COLEC12: variants seen among roughly 807,000 people sequenced by gnomAD.
COLEC12 encodes collectin subfamily member 12.
A neutral mutation model predicts 71.1 loss-of-function variants in COLEC12; 33 were observed. That is an observed-to-expected ratio of 0.46 (90% CI 0.35 to 0.62). The LOEUF is 0.62. Among genes scored for constraint, COLEC12 ranks in the 20% least tolerant of loss-of-function variants. The pLI is 0.00. For synonymous variants in COLEC12, 350 were observed against 353.0 expected (o/e 0.99, Z 0.10); for missense variants, 765 against 916.1 (o/e 0.84, Z 2.13).
In COLEC12 at chr18:413,140, T is replaced by C. The variant is rs749495377; in HGVS notation, c.59-55618A>G. ...CCACACAAACATTAATCAAAGGAAT[T>C]AACTGAACGACAAAAATACAAATGA... On this transcript the variant is annotated intron_variant, in intron 2 of 9. Transcript: ENST00000400256. Among the ~76,000 whole-genome samples the C allele has an allele frequency of 2.2e-4, 33 of 152,074 alleles. 1 individual carries two copies. Among genetic ancestry groups the C allele is most frequent in the Non-Finnish European group, 4.9e-4 (33 of 67,996 alleles).
At chr18:412,377 C>T (rs535805666) in intron 2 of COLEC12, among the ~76,000 whole-genome samples, 1 of 151,124 alleles carries the variant, frequency 6.6e-6, no homozygotes, top group Admixed American at 6.6e-5. Flanking sequence ...AAATATCCTT[C>T]AGAAATGAAA....
At chr18:372,454 G>C (rs904130640) in intron 2 of COLEC12, among the ~76,000 whole-genome samples, 1 of 152,052 alleles carries the variant, frequency 6.6e-6, no homozygotes, top group African/African-American at 2.4e-5. Flanking sequence ...GTCTTGCTCT[G>C]TCACCCAGGC....
chr18:417,947 T>C (rs1916021253), intron 2 of COLEC12, among the ~76,000 whole-genome samples: 1 of 152,170 alleles, frequency 6.6e-6, no homozygotes. Flanking sequence ...CTCCCATTTT[T>C]GTCCCTGAGG....
At chr18:433,784 C>T (rs748998088) in intron 2 of COLEC12, among the ~76,000 whole-genome samples, 9 of 151,850 alleles carry the variant, frequency 5.9e-5, no homozygotes, top group African/African-American at 1.7e-4. Context: ...GGGAACATGG[C>T]GAAACCCTGT....
rs935467573 is a variant in COLEC12, at chr18:321,656, G to A, written c.2209+6C>T. The A allele has an allele frequency of 5.6e-6, 9 of 1,613,966 alleles. No homozygotes were observed. The highest frequency in any genetic ancestry group is 1.3e-5 in the African/African-American group (1 of 74,908). On this transcript the variant is annotated splice_donor_region_variant and intron_variant, in intron 9 of 9. Coordinates refer to ENST00000400256, the MANE Select transcript of COLEC12 (RefSeq NM_130386.3). ...AGCTCCCTCTTAAATCCCATCTACT[G>A]CTCACCTGTCTCCCTGTCTTTTTCG...
intron 1 of COLEC12, among the ~76,000 whole-genome samples, chr18:495,143 G>A (rs1261547728): frequency 6.6e-6 from 1 of 152,164 alleles, no homozygotes; most frequent in Non-Finnish European, 1.5e-5. Flanking sequence ...ACCTTTTTGA[G>A]GTATGATGCT....
chr18:457,239 C>T (rs377039809), intron 2 of COLEC12, among the ~76,000 whole-genome samples: 7 of 152,274 alleles, frequency 4.6e-5, no homozygotes, highest in Admixed American at 2.6e-4. Context: ...TAAATGGGAA[C>T]GGAGCCCCCT....
chr18:363,974 C>A, intron 2 of COLEC12, among the ~76,000 whole-genome samples: 1 of 152,162 alleles, frequency 6.6e-6, no homozygotes, highest in Non-Finnish European at 1.5e-5. Context: ...TAAGTGAAGC[C>A]TCACAGCAGC....
chr18:452,182 T>C lies in COLEC12; in HGVS notation c.58+28525A>G, dbSNP rs74529416. Among the ~76,000 whole-genome samples the C allele has an allele frequency of 3.1e-4, 47 of 152,334 alleles. No homozygotes were observed. The East Asian group carries it at 8.5e-3, about 28-fold the overall frequency. ...CATCAATGATCACTCACATACACCGTGTTGGAAAAAAACTTGAATTGTGCA... is the reference window on the plus strand; with the variant it reads ...CATCAATGATCACTCACATACACCGCGTTGGAAAAAAACTTGAATTGTGCA... On this transcript the variant is annotated intron_variant, in intron 2 of 9. Transcript: ENST00000400256.
In COLEC12 at chr18:350,908, C is replaced by T. The variant is rs192004557; in HGVS notation, c.182-2745G>A. Among the ~76,000 whole-genome samples the T allele has an allele frequency of 2.4e-3, 354 of 144,656 alleles. No homozygotes were observed. In the Middle Eastern group the frequency reaches 0.026, roughly 11 times the overall value. 94.9% of individuals were successfully genotyped at this position (144,656 alleles called of 152,430 possible). A position where few individuals can be genotyped will look rare whatever the true frequency, so the allele number is the denominator to read the frequency against. ...CTGGGAAGTGGAGGTTGCAGTGAGC[C>T]GAGATCACGCCATTGCACTCCAGCC... On this transcript the variant is annotated intron_variant, in intron 3 of 9. Transcript: ENST00000400256.
intron 2 of COLEC12, among the ~76,000 whole-genome samples, chr18:398,576 C>T (rs764446479): frequency 1.3e-5 from 2 of 152,216 alleles, no homozygotes; most frequent in African/African-American, 2.4e-5. Flanking sequence ...TCTGTACACT[C>T]AGCGGTCCCT....
At chr18:498,096 C>G (rs937653004) in intron 1 of COLEC12, among the ~76,000 whole-genome samples, 1 of 152,164 alleles carries the variant, frequency 6.6e-6, no homozygotes, top group African/African-American at 2.4e-5. Flanking sequence ...TAGATGCCTA[C>G]TCTATCCTCC....
intron 2 of COLEC12, among the ~76,000 whole-genome samples, chr18:436,606 T>C (rs1052147391): frequency 6.6e-6 from 1 of 151,238 alleles, no homozygotes; most frequent in African/African-American, 2.4e-5. Context: ...TTGGTGTAGA[T>C]ATTACACAGA....
At chr18:432,684 C>T (rs1385034670) in intron 2 of COLEC12, among the ~76,000 whole-genome samples, 3 of 151,978 alleles carry the variant, frequency 2.0e-5, no homozygotes, top group Non-Finnish European at 4.4e-5. Context: ...TCTACCAGCT[C>T]CCTCAGTTCA....
chr18:439,498 C>T (rs200226815), intron 2 of COLEC12, among the ~76,000 whole-genome samples: 1 of 146,050 alleles, frequency 6.8e-6, no homozygotes, highest in Non-Finnish European at 1.5e-5. Context: ...AGCAGAGATT[C>T]TTTTTTTTTT....
At chr18:484,438 G>T (rs1246402917) in intron 1 of COLEC12, among the ~76,000 whole-genome samples, 1 of 152,080 alleles carries the variant, frequency 6.6e-6, no homozygotes, top group Admixed American at 6.6e-5. Context: ...GCCACTAAAA[G>T]AATAAAATAG....
intron 2 of COLEC12, among the ~76,000 whole-genome samples, chr18:422,077 C>T (rs1916110037): frequency 6.6e-6 from 1 of 152,204 alleles, no homozygotes; most frequent in South Asian, 2.1e-4. Flanking sequence ...GCCTTTCACA[C>T]TGTCATGTCT....
intron 2 of COLEC12, among the ~76,000 whole-genome samples, chr18:377,344 T>C (rs1364620527): frequency 2.0e-5 from 3 of 152,230 alleles, no homozygotes; most frequent in African/African-American, 4.8e-5. Context: ...CTGATGCCCA[T>C]TGGTCAGGCT....
intron 5 of COLEC12, among the ~76,000 whole-genome samples, chr18:343,419 G>C (rs1180295607): frequency 6.6e-6 from 1 of 151,640 alleles, no homozygotes; most frequent in African/African-American, 2.4e-5. Context: ...CCTGAATGAG[G>C]GTACCCACTT....
Sources: allele counts gnomAD v4.1 joint callset (sites outside exome capture counted in the v4.1 genomes callset), GRCh38; gene constraint gnomAD v4.1.1; transcripts MANE v1.5; gene names NCBI Gene and HGNC (gene_info 2026-07-23, HGNC 2026-07-21).